Variants in RNF130 observed in about 807,000 individuals in gnomAD.
The protein encoded by RNF130 is E3 ubiquitin-protein ligase RNF130.
Under a neutral mutation model 44.6 loss-of-function variants are expected in RNF130, and 21 were observed. The ratio of observed to expected loss-of-function variants is 0.47; its 90% CI spans 0.33 to 0.68. RNF130 has a LOEUF of 0.68. Among genes scored for constraint, RNF130 ranks in the 30% least tolerant of loss-of-function variants. RNF130 has a pLI of 0.02. For synonymous variants in RNF130, 214 were observed against 210.4 expected, an observed-to-expected ratio of 1.02 and a Z score of -0.15; for missense variants, 479 against 560.6, an observed-to-expected ratio of 0.85 and a Z score of 1.47.
chr5:179,948,788 A>C (rs1429810781), intron 7 of RNF130, among the ~76,000 whole-genome samples: 1 of 152,184 alleles, frequency 6.6e-6, no homozygotes, highest in East Asian at 1.9e-4. Context: ...TTATTTTTAA[A>C]GTCTAAAGTG....
intron 7 of RNF130, among the ~76,000 whole-genome samples, chr5:179,935,538 A>G (rs572138903): frequency 2.0e-4 from 30 of 151,956 alleles, no homozygotes; most frequent in Non-Finnish European, 1.5e-4. Context: ...GTGTGTATAC[A>G]TTTTAAATCT....
chr5:180,005,244 A>G (rs1763437552), intron 3 of RNF130, among the ~76,000 whole-genome samples: 1 of 152,172 alleles, frequency 6.6e-6, no homozygotes, highest in African/African-American at 2.4e-5. Context: ...CCTGGCCAAC[A>G]TGGCGAAACC....
At chr5:179,997,332 A>G (rs1304909660) in intron 3 of RNF130, among the ~76,000 whole-genome samples, 2 of 151,308 alleles carry the variant, frequency 1.3e-5, no homozygotes, top group African/African-American at 4.9e-5. Context: ...TATTTATATT[A>G]TATTTTTTTG....
rs146903340 is a variant in RNF130 at position 180,015,746 on chromosome 5, AGGAAAGGAGTAG to A, written c.443-2447_443-2436del. 4.7e-5 allele frequency among the ~76,000 whole-genome samples: 5 copies of A among 105,676 alleles called. No homozygotes were observed. In the East Asian group the frequency reaches 9.0e-4, roughly 19 times the overall value. 69.3% of individuals were successfully genotyped at this position (105,676 alleles called of 152,430 possible). A position where few individuals can be genotyped will look rare whatever the true frequency, so the allele number is the denominator to read the frequency against. On this transcript the variant is annotated intron_variant, in intron 2 of 8. Transcript: ENST00000521389. ...GTAGGAAAGGAGTAGGAAAAGGAGT[AGGAAAGGAGTAG>A]GGAAAGGAGTAGGGAAAGGAAAGCT... is the stretch of plus-strand genomic sequence containing the variant.
chr5:179,947,130 A>C (rs1762053872), intron 7 of RNF130, among the ~76,000 whole-genome samples: 1 of 152,182 alleles, frequency 6.6e-6, no homozygotes, highest in Non-Finnish European at 1.5e-5. Flanking sequence ...CATCACTGAC[A>C]CAACTGTCTT....
chr5:180,039,100 A>G (rs1029211272), intron 2 of RNF130, among the ~76,000 whole-genome samples: 10 of 152,238 alleles, frequency 6.6e-5, no homozygotes, highest in African/African-American at 2.4e-4. Context: ...GAATAAATTA[A>G]AAGTTACACG....
intron 3 of RNF130, among the ~76,000 whole-genome samples, chr5:180,011,643 T>G (rs1582186633): frequency 1.3e-5 from 2 of 152,238 alleles, no homozygotes; most frequent in East Asian, 3.9e-4. Context: ...GGTGCATACC[T>G]TCAGTCCTAG....
chr5:179,984,932 C>T (rs920384900), intron 3 of RNF130, among the ~76,000 whole-genome samples: 3 of 152,090 alleles, frequency 2.0e-5, no homozygotes, highest in Non-Finnish European at 4.4e-5. Context: ...AAGTATAATG[C>T]AAATATTCCA....
At chr5:179,987,709 G>A (rs1762986737) in intron 3 of RNF130, among the ~76,000 whole-genome samples, 1 of 152,204 alleles carries the variant, frequency 6.6e-6, no homozygotes, top group African/African-American at 2.4e-5. Flanking sequence ...CGCCTTTTCT[G>A]TGTCTATTGA....
chr5:179,952,255 G>A (rs913272805), downstream of RNF130, among the ~76,000 whole-genome samples: 2 of 151,640 alleles, frequency 1.3e-5, no homozygotes, highest in South Asian at 2.1e-4. Context: ...ATAGAAGAGA[G>A]AAAAATCAAT....
At chr5:179,998,205 G>A (rs1396391224) in intron 3 of RNF130, among the ~76,000 whole-genome samples, 1 of 152,180 alleles carries the variant, frequency 6.6e-6, no homozygotes, top group Non-Finnish European at 1.5e-5. Context: ...CTATTGTTTT[G>A]ATGTAGGTGT....
intron 1 of RNF130, among the ~76,000 whole-genome samples, chr5:180,070,850 G>A (rs1367293025): frequency 6.6e-6 from 1 of 152,126 alleles, no homozygotes; most frequent in Non-Finnish European, 1.5e-5. Flanking sequence ...GACCTGAAAA[G>A]CCTTGGCTAG....
chr5:179,959,131 A>G (rs980979907), intron 8 of RNF130, among the ~76,000 whole-genome samples: 1 of 152,150 alleles, frequency 6.6e-6, no homozygotes, highest in African/African-American at 2.4e-5. Context: ...GGTAAAAGAG[A>G]CCAGTGCAGG....
At chr5:179,924,516 G>C (rs1363502440) in intron 7 of RNF130, among the ~76,000 whole-genome samples, 2 of 141,680 alleles carry the variant, frequency 1.4e-5, no homozygotes, top group Non-Finnish European at 3.0e-5. Flanking sequence ...AATAAATACA[G>C]GCTGGGCGCA....
intron 7 of RNF130, among the ~76,000 whole-genome samples, chr5:179,943,650 T>G (rs1761994943): frequency 6.6e-6 from 1 of 152,204 alleles, no homozygotes; most frequent in South Asian, 2.1e-4. Context: ...CTCAGAGAGA[T>G]AAAATAACTT....
At chr5:179,926,790 C>A (rs1042199560) in intron 7 of RNF130, among the ~76,000 whole-genome samples, 4 of 152,212 alleles carry the variant, frequency 2.6e-5, no homozygotes, top group Non-Finnish European at 5.9e-5. Flanking sequence ...CTTGGGCTTG[C>A]GCTGGGCATT....
chr5:179,983,255 C>T (rs992051757), intron 3 of RNF130, among the ~76,000 whole-genome samples: 79 of 150,426 alleles, frequency 5.3e-4, no homozygotes, highest in African/African-American at 1.8e-3. Context: ...CCCGTTTTCT[C>T]TTCTAGAAAT....
intron 7 of RNF130, among the ~76,000 whole-genome samples, chr5:179,936,557 A>C (rs901988403): frequency 9.2e-5 from 14 of 152,152 alleles, no homozygotes; most frequent in African/African-American, 2.9e-4. Context: ...TTTCCCCACT[A>C]GATGTTTAGG....
chr5:180,004,563 T>C (rs1460183830), intron 3 of RNF130, among the ~76,000 whole-genome samples: 2 of 152,220 alleles, frequency 1.3e-5, no homozygotes, highest in Admixed American at 6.5e-5. Context: ...AGGGGCCAGA[T>C]TATCTTATCT....
Sources: gnomAD v4.1 joint callset for allele counts (sites outside exome capture counted in the v4.1 genomes callset) on GRCh38, gnomAD v4.1.1 for gene constraint, MANE v1.5 for transcripts, NCBI Gene and HGNC (gene_info 2026-07-23, HGNC 2026-07-21) for gene names.